Variants in CLCA2 observed in about 807,000 individuals in gnomAD.
CLCA2 encodes the protein calcium-activated chloride channel regulator 2.
In CLCA2, 85 loss-of-function variants were observed where a neutral mutation model predicts 82.9. The ratio of observed to expected loss-of-function variants is 1.03; its 90% CI spans 0.86 to 1.23. The LOEUF (loss-of-function observed/expected upper bound fraction) is 1.23, where lower values mean the gene tolerates loss of function less well. CLCA2 is among the 50% of genes most tolerant of loss of function. The pLI, the probability that CLCA2 is intolerant of heterozygous loss-of-function variation, is 0.00. For synonymous variants in CLCA2, 421 were observed against 391.7 expected (o/e 1.07, Z -0.88); for missense variants, 1,089 against 1,124.8 (o/e 0.97, Z 0.45).
At position 86,455,200 on chromosome 1, in the gene CLCA2, G is replaced by A. The variant is rs767836350; in HGVS notation, c.2505G>A (p.Glu835=). 6.2e-7 allele frequency: 1 copy of A among 1,614,050 alleles called. No homozygotes were observed. Among genetic ancestry groups the A allele is most frequent in the Non-Finnish European group, 8.5e-7 (1 of 1,179,946 alleles). ...KRNPQQAGIR[E]IFTFSPQIST... ...ATCCTCAGCAAGCTGGCATCAGGGA[G>A]ATATTTACGTTCTCACCCCAAATTT... Residue 835 remains glutamate (E), a synonymous_variant, in exon 14 of 14, where the codon GAG becomes GAA. Coordinates refer to ENST00000370565, the MANE Select transcript of CLCA2 (RefSeq NM_006536.7).
Position 86,425,834 on chromosome 1 carries a change from C to T in CLCA2, c.324+358C>T, listed in dbSNP as rs1032718659. ...AATTATGACTATACCCATTTACCAT[C>T]CTGTCAGGAGCAATAAACATGCATG... On this transcript the variant is annotated intron_variant, in intron 2 of 13. Coordinates refer to ENST00000370565, the MANE Select transcript of CLCA2 (RefSeq NM_006536.7). Among the ~76,000 whole-genome samples, 8 of 152,154 alleles carry T rather than the reference C, an allele frequency of 5.3e-5. No individual in the cohort carries two copies. The East Asian group carries it at 1.5e-3, about 29-fold the overall frequency.
chr1:86,445,587 A>T (rs1235289374), intron 10 of CLCA2: 3 of 151,566 alleles, frequency 2.0e-5, no homozygotes, highest in Non-Finnish European at 2.9e-5. Context: ...TTTTAAGGGG[A>T]TTGGACACAC....
chr1:86,430,349 T>C (rs759303926), intron 3 of CLCA2, among the ~76,000 whole-genome samples: 4 of 152,152 alleles, frequency 2.6e-5, no homozygotes, highest in Non-Finnish European at 5.9e-5. Flanking sequence ...AGTCTCCTTT[T>C]TTGCTCCTTC....
rs12758235 is a variant in CLCA2 at position 86,445,072 on chromosome 1, T to G, written c.1713+1061T>G. Among the ~76,000 whole-genome samples, 515 of 152,118 alleles carry G rather than the reference T, an allele frequency of 3.4e-3. 1 individual carries two copies. Among genetic ancestry groups the G allele is most frequent in the Non-Finnish European group, 5.9e-3 (404 of 67,956 alleles). On this transcript the variant is annotated intron_variant, in intron 10 of 13. Transcript: ENST00000370565. ...CCACCATGCCTGGCTAATTTTTGTA[T>G]TTTTTGGTAGAGATGAGGTTTCACC...
intron 2 of CLCA2, among the ~76,000 whole-genome samples, chr1:86,426,069 T>C (rs1005242617): frequency 6.6e-6 from 1 of 152,090 alleles, no homozygotes; most frequent in Non-Finnish European, 1.5e-5. Context: ...GAACTTCACC[T>C]TGAAAGGCTC....
At chr1:86,438,056 A>C (rs1322791480) in intron 6 of CLCA2, among the ~76,000 whole-genome samples, 2 of 152,158 alleles carry the variant, frequency 1.3e-5, no homozygotes, top group Non-Finnish European at 2.9e-5. Flanking sequence ...ATGGTTGTCA[A>C]ATCATCACTC....
rs533993297 is a variant in CLCA2 at position 86,436,720 on chromosome 1, G to GT, written c.972+1985dup. ...GCATTTTGTTGTTGTTGTTGTTTTG[G>GT]TTTTTTTTTTGAGATGGAGTTTTGC... On this transcript the variant is annotated intron_variant, in intron 6 of 13. Coordinates refer to ENST00000370565, the MANE Select transcript of CLCA2 (RefSeq NM_006536.7). Among the ~76,000 whole-genome samples, 121 of 148,850 alleles carry GT rather than the reference G, an allele frequency of 8.1e-4. 1 individual carries two copies. The highest frequency in any genetic ancestry group is 5.9e-3 in the South Asian group (28 of 4,714).
At chr1:86,427,547 TACACACACAC>T (rs146595899) in intron 2 of CLCA2, among the ~76,000 whole-genome samples, 1 of 148,214 alleles carries the variant, frequency 6.7e-6, no homozygotes, top group African/African-American at 2.5e-5. Flanking sequence ...CACACATACA[TACACACACAC>T]ACACACACAC....
intron 1 of CLCA2, among the ~76,000 whole-genome samples, chr1:86,424,681 G>T (rs1326586268): frequency 1.3e-5 from 2 of 152,086 alleles, no homozygotes; most frequent in Non-Finnish European, 2.9e-5. Flanking sequence ...ACTAATTTCA[G>T]CTCTTTTGTT....
chr1:86,453,356 T>A lies in CLCA2; in HGVS notation c.2156-13T>A, dbSNP rs769038089. On this transcript the variant is annotated splice_polypyrimidine_tract_variant and intron_variant, in intron 12 of 13. Coordinates refer to ENST00000370565, the MANE Select transcript of CLCA2 (RefSeq NM_006536.7). Reference sequence around the variant, plus strand: ...ATTTGTCATTTTGCCTTTTTTTTTCTTTTTTGTCTCAGGTAATATTCAGAT... The same window carrying A: ...ATTTGTCATTTTGCCTTTTTTTTTCATTTTTGTCTCAGGTAATATTCAGAT... 6.3e-7 allele frequency: 1 copy of A among 1,598,950 alleles called. No individual in the cohort carries two copies. The highest frequency in any genetic ancestry group is 1.3e-5 in the African/African-American group (1 of 74,078).
intron 13 of CLCA2, among the ~76,000 whole-genome samples, chr1:86,454,435 A>G (rs1205706801): frequency 6.6e-6 from 1 of 152,158 alleles, no homozygotes; most frequent in Admixed American, 6.5e-5. Context: ...TTGATTGCTT[A>G]ATTTCCATAT....
At position 86,425,471 on chromosome 1, in the gene CLCA2, G is replaced by A. The variant is rs1335251894; in HGVS notation, c.319G>A (p.Glu107Lys). Residue 107 changes from glutamate to lysine, a missense_variant, in exon 2 of 14, where the codon GAA becomes AAA. Physicochemically the swap from Glu to Lys is moderately conservative, Grantham distance 56. Coordinates refer to ENST00000370565, the MANE Select transcript of CLCA2 (RefSeq NM_006536.7). ...NNSKIKQESY[E>K]KANVIVTDWY... ...CAGCAAAATAAAACAAGAATCATAT[G>A]AAAAGGTAAGAATCCAGGATTTCAT... The A allele has an allele frequency of 6.5e-7, 1 of 1,537,354 alleles. No individual in the cohort carries two copies. The highest frequency in any genetic ancestry group is 8.8e-7 in the Non-Finnish European group (1 of 1,139,396).
chr1:86,440,012 G>T, intron 7 of CLCA2, 136 bp from the exon 8 acceptor site: 2 of 760,138 alleles, frequency 2.6e-6, no homozygotes, highest in East Asian at 5.2e-5. Flanking sequence ...GCTGTGATGG[G>T]GTGAGGTAAA....
At chr1:86,433,399 C>T (rs1662538547) in intron 5 of CLCA2, among the ~76,000 whole-genome samples, 1 of 152,126 alleles carries the variant, frequency 6.6e-6, no homozygotes, top group Non-Finnish European at 1.5e-5. Context: ...GATTGACATG[C>T]TATTTTATTT....
intron 5 of CLCA2, among the ~76,000 whole-genome samples, chr1:86,433,046 A>C (rs1217149806): frequency 6.6e-6 from 1 of 152,224 alleles, no homozygotes; most frequent in African/African-American, 2.4e-5. Context: ...ACTAGCATAT[A>C]AATCCAGAAT....
At chr1:86,434,794 C>G in intron 6 of CLCA2, 49 bp downstream of exon 6, 4 of 1,426,636 alleles carry the variant, frequency 2.8e-6, no homozygotes, top group Non-Finnish European at 3.0e-6. Flanking sequence ...TTTTTTCTAT[C>G]AGTTCTTTAT....
At chr1:86,442,933 T>C (rs1055421098) in intron 9 of CLCA2, among the ~76,000 whole-genome samples, 4 of 152,228 alleles carry the variant, frequency 2.6e-5, no homozygotes, top group African/African-American at 7.2e-5. Flanking sequence ...TCAAGTGAGA[T>C]TGTGAAGCCT....
rs771656068 is a variant in CLCA2, at chr1:86,447,489, A to G, written c.1714-19A>G. On this transcript the variant is annotated intron_variant, in intron 10 of 13. Transcript: ENST00000370565. The stretch of plus-strand genomic sequence containing the variant: ...ATTTTTTTTTCACACTTTCCAAAAC[A>G]ATAAGACTTGTTTTACAGCCTGGGC... The G allele has an allele frequency of 6.2e-7, 1 of 1,605,942 alleles. No individual in the cohort carries two copies. The highest frequency in any genetic ancestry group is 8.5e-7 in the Non-Finnish European group (1 of 1,174,700).
intron 2 of CLCA2, among the ~76,000 whole-genome samples, chr1:86,426,511 G>GCC (rs1249394748): frequency 2.0e-5 from 3 of 152,148 alleles, no homozygotes; most frequent in Admixed American, 6.5e-5. Flanking sequence ...CCAGATGAAA[G>GCC]CATTTGAGAA....
Sources: allele counts gnomAD v4.1 joint callset (sites outside exome capture counted in the v4.1 genomes callset), GRCh38; gene constraint gnomAD v4.1.1; transcripts MANE v1.5; gene names NCBI Gene and HGNC (gene_info 2026-07-23, HGNC 2026-07-21).